The following FBXO8 variants were observed in gnomAD, a reference collection of about 807,000 sequenced individuals.
FBXO8 encodes F-box only protein 8.
A neutral mutation model predicts 33.4 loss-of-function variants in FBXO8; 15 were observed. That is an observed-to-expected ratio of 0.45 (90% CI 0.30 to 0.69). FBXO8 has a LOEUF of 0.69. Among genes scored for constraint, FBXO8 ranks in the 30% least tolerant of loss-of-function variants. The pLI is 0.08. For missense variants in FBXO8, 274 were observed against 380.3 expected (o/e 0.72, Z 2.32); for synonymous variants, 132 against 131.5 (o/e 1.00, Z -0.02).
Position 174,254,414 on chromosome 4 carries a change from C to G in FBXO8, c.456+5285G>C, listed in dbSNP as rs1736373266. Among the ~76,000 whole-genome samples, 2 of 152,040 alleles carry G rather than the reference C, an allele frequency of 1.3e-5. No individual in the cohort carries two copies. Among genetic ancestry groups the G allele is most frequent in the Admixed American group, 6.6e-5 (1 of 15,262 alleles). ...AAAACCTCAAAAGGTAGTATATTTT[C>G]TAAAGTAAAAAGTATCTTAGTGGCC... On this transcript the variant is annotated intron_variant, in intron 3 of 5. Transcript: ENST00000393674. The surrounding 1 kb of genome is among the most constrained non-coding windows in gnomAD (Gnocchi z 4.2).
chr4:174,244,586 T>C (rs891036524), intron 3 of FBXO8, among the ~76,000 whole-genome samples: 1 of 151,634 alleles, frequency 6.6e-6, no homozygotes, highest in Non-Finnish European at 1.5e-5. Context: ...TATTTGCATG[T>C]GGGGAGAATT....
At position 174,258,350 on chromosome 4, in the gene FBXO8, T is replaced by A. The variant is rs188505220; in HGVS notation, c.456+1349A>T. ...AAGGCACAATAACAACATTTAAATT[T>A]ATGATAAATAGTTTATCCATTTATT... On this transcript the variant is annotated intron_variant, in intron 3 of 5. Coordinates refer to ENST00000393674, the MANE Select transcript of FBXO8 (RefSeq NM_012180.3). 6.9e-3 allele frequency among the ~76,000 whole-genome samples: 1,050 copies of A among 152,286 alleles called. 9 individuals are homozygous for A. The highest frequency in any genetic ancestry group is 0.019 in the South Asian group (92 of 4,828).
At chr4:174,260,951 C>T (rs1368641453) in intron 2 of FBXO8, among the ~76,000 whole-genome samples, 4 of 151,868 alleles carry the variant, frequency 2.6e-5, no homozygotes, top group Non-Finnish European at 5.9e-5. Context: ...AATAAACACA[C>T]AAAGTGCAGA....
chr4:174,280,891 G>A (rs923552843), intron 1 of FBXO8, among the ~76,000 whole-genome samples: 25 of 152,172 alleles, frequency 1.6e-4, no homozygotes, highest in African/African-American at 5.1e-4. Context: ...GGGAATTATT[G>A]TTTAATAGGT....
intron 4 of FBXO8, among the ~76,000 whole-genome samples, chr4:174,239,865 T>G (rs1182006185): frequency 6.6e-6 from 1 of 151,304 alleles, no homozygotes; most frequent in Non-Finnish European, 1.5e-5. Context: ...CAATATAGAG[T>G]CACACTTTGT....
chr4:174,263,216 A>T lies in FBXO8; in HGVS notation c.-8-116T>A. ...TTATCAGAATTAAAACTTCTCATTAAAACCTACTAAAACCAGAAGTATATT... is the reference window on the plus strand; with the variant it reads ...TTATCAGAATTAAAACTTCTCATTATAACCTACTAAAACCAGAAGTATATT... On this transcript the variant is annotated intron_variant, in intron 1 of 5. Coordinates refer to ENST00000393674, the MANE Select transcript of FBXO8 (RefSeq NM_012180.3). This position sits in a 1 kb window ranked among gnomAD's most constrained non-coding sequence, Gnocchi z 4.2. The T allele has an allele frequency of 1.2e-6, 1 of 860,298 alleles. No individual in the cohort carries two copies. The highest frequency in any genetic ancestry group is 1.7e-5 in the African/African-American group (1 of 58,896). The allele number at this position is 860,298 out of a possible 1,614,324, so 53.3% of individuals were successfully genotyped here. A position where few individuals can be genotyped will look rare whatever the true frequency, so the allele number is the denominator to read the frequency against.
At position 174,241,981 on chromosome 4, in the gene FBXO8, C is replaced by A. The variant is rs1736051143; in HGVS notation, c.457-763G>T. ...AACAAAACACCACCAACAAAAAAAT[C>A]AAATGCTGAAAACAGTATTCTCTCA... On this transcript the variant is annotated intron_variant, in intron 3 of 5. Transcript: ENST00000393674. The surrounding 1 kb of genome is among the most constrained non-coding windows in gnomAD (Gnocchi z 4.2). Among the ~76,000 whole-genome samples the A allele has an allele frequency of 6.6e-6, 1 of 151,464 alleles. No individual in the cohort carries two copies. Among genetic ancestry groups the A allele is most frequent in the Non-Finnish European group, 1.5e-5 (1 of 67,560 alleles).
intron 3 of FBXO8, among the ~76,000 whole-genome samples, chr4:174,258,023 T>C (rs1175163909): frequency 1.5e-4 from 23 of 152,168 alleles, no homozygotes; most frequent in Admixed American, 1.5e-3. Flanking sequence ...CCACTATGCC[T>C]GGCCTGAAAA....
At position 174,275,962 on chromosome 4, in the gene FBXO8, A is replaced by T. The variant is rs189791119; in HGVS notation, c.-9+7448T>A. ...TTGTGTAACTCTTAGTCTAATAAAA[A>T]AGACAATGTACATATAAAATACATT... On this transcript the variant is annotated intron_variant, in intron 1 of 5. Transcript: ENST00000393674. This position sits in a 1 kb window ranked among gnomAD's most constrained non-coding sequence, Gnocchi z 4.4. Among the ~76,000 whole-genome samples the T allele has an allele frequency of 1.5e-3, 232 of 152,344 alleles. No individual in the cohort carries two copies. The highest frequency in any genetic ancestry group is 5.4e-3 in the African/African-American group (226 of 41,594).
rs147643564 is a variant in FBXO8 at position 174,237,357 on chromosome 4, G to A, written c.*55C>T. On this transcript the variant is annotated 3_prime_UTR_variant, in exon 6 of 6. Transcript: ENST00000393674. The surrounding 1 kb of genome is among the most constrained non-coding windows in gnomAD (Gnocchi z 4.4). ...CTGATGTAACCCCCATATCTGCTAA[G>A]TCCTTGGGTAGCTTTAGTCTGAAGT... 15,152 of 1,501,418 alleles carry A rather than the reference G, an allele frequency of 0.01. 115 individuals are homozygous for A. The highest frequency in any genetic ancestry group is 0.012 in the Non-Finnish European group (13,256 of 1,093,218). 93.0% of individuals were successfully genotyped at this position (1,501,418 alleles called of 1,614,324 possible). A position where few individuals can be genotyped will look rare whatever the true frequency, so the allele number is the denominator to read the frequency against.
In FBXO8 at chr4:174,267,481, A is replaced by G. The variant is rs1736720091; in HGVS notation, c.-8-4381T>C. Among the ~76,000 whole-genome samples, 1 of 152,208 alleles carries G rather than the reference A, an allele frequency of 6.6e-6. No homozygotes were observed. Among genetic ancestry groups the G allele is most frequent in the South Asian group, 2.1e-4 (1 of 4,834 alleles). ...AAGATCACTTGAGCTCAGGAGTTTGAGGTTATAGTGAGCTATGATCACACC... is the reference window on the plus strand; with the variant it reads ...AAGATCACTTGAGCTCAGGAGTTTGGGGTTATAGTGAGCTATGATCACACC... On this transcript the variant is annotated intron_variant, in intron 1 of 5. Transcript: ENST00000393674. The surrounding 1 kb of genome is among the most constrained non-coding windows in gnomAD (Gnocchi z 4.7).
rs1050190509 is a variant in FBXO8, at chr4:174,270,653, T to C, written c.-8-7553A>G. 1.3e-5 allele frequency among the ~76,000 whole-genome samples: 2 copies of C among 151,892 alleles called. No individual in the cohort carries two copies. The highest frequency in any genetic ancestry group is 1.3e-4 in the Admixed American group (2 of 15,238). On this transcript the variant is annotated intron_variant, in intron 1 of 5. Transcript: ENST00000393674. This position sits in a 1 kb window ranked among gnomAD's most constrained non-coding sequence, Gnocchi z 4.6. ...TTTTTTTTGAGATTTAGTCTTGTCT[T>C]GTTCCCCAGCTGCAGTGCAATGGCG... is the stretch of plus-strand genomic sequence containing the variant.
At position 174,272,654 on chromosome 4, in the gene FBXO8, T is replaced by A. The variant is rs1736865424; in HGVS notation, c.-8-9554A>T. Among the ~76,000 whole-genome samples, 1 of 152,208 alleles carries A rather than the reference T, an allele frequency of 6.6e-6. No individual in the cohort carries two copies. The highest frequency in any genetic ancestry group is 2.1e-4 in the South Asian group (1 of 4,838). ...AAGAATAATGTAGTTAGAAAAATTA[T>A]CATTTTACCATCAGAGAAAAAATAA... On this transcript the variant is annotated intron_variant, in intron 1 of 5. Coordinates refer to ENST00000393674, the MANE Select transcript of FBXO8 (RefSeq NM_012180.3). The surrounding 1 kb of genome is among the most constrained non-coding windows in gnomAD (Gnocchi z 4.7).
intron 1 of FBXO8, among the ~76,000 whole-genome samples, chr4:174,273,204 T>C (rs1736877522): frequency 6.6e-6 from 1 of 151,678 alleles, no homozygotes; most frequent in South Asian, 2.1e-4. Flanking sequence ...GGAGGATCAC[T>C]TGAAGCCAGG....
chr4:174,267,421 C>T lies in FBXO8; in HGVS notation c.-8-4321G>A, dbSNP rs909871859. On this transcript the variant is annotated intron_variant, in intron 1 of 5. Coordinates refer to ENST00000393674, the MANE Select transcript of FBXO8 (RefSeq NM_012180.3). This position sits in a 1 kb window ranked among gnomAD's most constrained non-coding sequence, Gnocchi z 4.7. ...AGTTAGCTAGGTGCGATGGTGCATA[C>T]CTGTAGTCCTATCCACTCAGGAGTC... is the stretch of plus-strand genomic sequence containing the variant. Among the ~76,000 whole-genome samples, 4 of 152,082 alleles carry T rather than the reference C, an allele frequency of 2.6e-5. No individual in the cohort carries two copies. The highest frequency in any genetic ancestry group is 9.7e-5 in the African/African-American group (4 of 41,430).
intron 3 of FBXO8, among the ~76,000 whole-genome samples, chr4:174,248,126 G>A (rs930207520): frequency 6.6e-6 from 1 of 151,944 alleles, no homozygotes; most frequent in African/African-American, 2.4e-5. Context: ...TTTTTATCCT[G>A]TCATTTCATT....
At position 174,242,197 on chromosome 4, in the gene FBXO8, C is replaced by T. The variant is rs147633857; in HGVS notation, c.457-979G>A. 3.5e-3 allele frequency among the ~76,000 whole-genome samples: 534 copies of T among 151,682 alleles called. 2 individuals carry two copies. Among genetic ancestry groups the T allele is most frequent in the Middle Eastern group, 0.014 (4 of 294 alleles). ...GAGAAAATGACGTATTATATACACA[C>T]AACATAATGTTTTCACACATAAATT... On this transcript the variant is annotated intron_variant, in intron 3 of 5. Coordinates refer to ENST00000393674, the MANE Select transcript of FBXO8 (RefSeq NM_012180.3).
rs1036101401 is a variant in FBXO8, at chr4:174,283,223, T to C, written c.-9+187A>G. The stretch of plus-strand genomic sequence containing the variant: ...ACCCAGTTCCGCCTCCTGACAGTGA[T>C]TCCTCACTTTAATGAGCCACCACTA... On this transcript the variant is annotated intron_variant, in intron 1 of 5. Coordinates refer to ENST00000393674, the MANE Select transcript of FBXO8 (RefSeq NM_012180.3). The surrounding 1 kb of genome is among the most constrained non-coding windows in gnomAD (Gnocchi z 6.7). Among the ~76,000 whole-genome samples, 1 of 152,208 alleles carries C rather than the reference T, an allele frequency of 6.6e-6. No individual in the cohort carries two copies. The highest frequency in any genetic ancestry group is 2.1e-4 in the South Asian group (1 of 4,836).
intron 1 of FBXO8, among the ~76,000 whole-genome samples, chr4:174,276,961 G>A (rs948296857): frequency 8.5e-5 from 13 of 152,134 alleles, no homozygotes; most frequent in African/African-American, 1.2e-4. Flanking sequence ...GTATATAAAA[G>A]CATCTTTTAA....
Sources: gnomAD v4.1 joint callset for allele counts (sites outside exome capture counted in the v4.1 genomes callset) on GRCh38, gnomAD v4.1.1 for gene constraint, Gnocchi (gnomAD v3.1) non-coding constraint, MANE v1.5 for transcripts, NCBI Gene and HGNC (gene_info 2026-07-23, HGNC 2026-07-21) for gene names.